PITHD1: variants seen among roughly 807,000 people sequenced by gnomAD.
The protein encoded by PITHD1 is PITH domain containing 1.
PITHD1 carries 8 observed loss-of-function variants against 27.5 expected under a neutral mutation model. The ratio of observed to expected loss-of-function variants is 0.29; its 90% CI spans 0.17 to 0.52. The LOEUF is 0.52. Ranked by LOEUF, PITHD1 falls within the 20% of genes least tolerant of loss-of-function variation. The pLI, the probability that PITHD1 is intolerant of heterozygous loss-of-function variation, is 0.96. For synonymous variants in PITHD1, 118 were observed against 106.8 expected, an observed-to-expected ratio of 1.10 and a Z score of -0.64; for missense variants, 233 against 283.9, an observed-to-expected ratio of 0.82 and a Z score of 1.29.
Position 23,788,171 on chromosome 1 carries a change from C to G in PITHD1, c.*795C>G, listed in dbSNP as rs932664488. 6.6e-6 allele frequency: 1 copy of G among 152,180 alleles called. No homozygotes were observed. Among genetic ancestry groups the G allele is most frequent in the Non-Finnish European group, 1.5e-5 (1 of 68,022 alleles). 9.4% of individuals were successfully genotyped at this position (152,180 alleles called of 1,614,324 possible). A position where few individuals can be genotyped will look rare whatever the true frequency, so the allele number is the denominator to read the frequency against. ...CCAGAATTTGGAGATTTGAGTTCTT[C>G]TTTTCATGGCTTTTATTCACTGTGA... On this transcript the variant is annotated 3_prime_UTR_variant, in exon 6 of 6. Transcript: ENST00000246151.
chr1:23,781,271 T>C (rs1398777747), intron 3 of PITHD1, among the ~76,000 whole-genome samples: 1 of 152,174 alleles, frequency 6.6e-6, no homozygotes, highest in Non-Finnish European at 1.5e-5. Flanking sequence ...AAGATCATCC[T>C]GGTCAACATG....
In PITHD1 at chr1:23,787,451, T is replaced by C; in HGVS notation, c.*75T>C. The stretch of plus-strand genomic sequence containing the variant: ...CTACCTGTTGGGAAGGACAAAGGGA[T>C]GAGGCTCCAGAGAGAGTTGGCTGCC... On this transcript the variant is annotated 3_prime_UTR_variant, in exon 6 of 6. Transcript: ENST00000246151. 1 of 863,284 alleles carries C rather than the reference T, an allele frequency of 1.2e-6. No individual in the cohort carries two copies. The highest frequency in any genetic ancestry group is 1.9e-6 in the Non-Finnish European group (1 of 516,322). The allele number at this position is 863,284 out of a possible 1,614,324, so 53.5% of individuals were successfully genotyped here. A position where few individuals can be genotyped will look rare whatever the true frequency, so the allele number is the denominator to read the frequency against.
At chr1:23,780,020 A>AT (rs3831910) in intron 3 of PITHD1, 79 bp downstream of exon 3, 812,061 of 891,346 alleles carry the variant, frequency 0.91, 370,902 homozygotes, top group African/African-American at 0.97. Context: ...GAATAGTATC[A>AT]TTTTCTTCTT....
At chr1:23,779,546 C>A in intron 2 of PITHD1, 65 bp downstream of exon 2, 2 of 1,187,574 alleles carry the variant, frequency 1.7e-6, no homozygotes, top group South Asian at 1.2e-5. Flanking sequence ...CAGATGGATT[C>A]ATTCACTGGT....
intron 5 of PITHD1, 72 bp from the exon 6 acceptor site, chr1:23,787,203 C>A: frequency 1.1e-6 from 1 of 921,868 alleles, no homozygotes. Context: ...ATAAGGACTA[C>A]CGCAATGTGT....
chr1:23,784,723 T>C (rs980489197), intron 3 of PITHD1, among the ~76,000 whole-genome samples: 1 of 152,286 alleles, frequency 6.6e-6, no homozygotes, highest in Middle Eastern at 3.4e-3. Context: ...AGCAGTTTAC[T>C]TTTTATTTAT....
At chr1:23,780,226 ACT>A (rs1177463631) in intron 3 of PITHD1, among the ~76,000 whole-genome samples, 1 of 152,138 alleles carries the variant, frequency 6.6e-6, no homozygotes, top group Admixed American at 6.5e-5. Flanking sequence ...CTTGTTGATG[ACT>A]CTGCAGTTTT....
rs147176388 is a variant in PITHD1, at chr1:23,786,381, G to A, written c.492G>A (p.Thr164=). The A allele has an allele frequency of 1.4e-5, 22 of 1,606,862 alleles. No individual in the cohort carries two copies. In the African/African-American group the frequency reaches 2.5e-4, roughly 19 times the overall value. ...IHISKNFGAD[T]TKVFYIGLRG... is the part of the protein sequence containing the mutation. The stretch of plus-strand genomic sequence containing the variant: ...TTTCAAAAAACTTCGGAGCAGATAC[G>A]ACAAAGGTCTTTTATATTGGCCTGA... Residue 164 remains threonine, a synonymous_variant, in exon 5 of 6, where the codon ACG becomes ACA. Coordinates refer to ENST00000246151, the MANE Select transcript of PITHD1 (RefSeq NM_020362.5).
chr1:23,784,059 C>T (rs1003932756), intron 3 of PITHD1, among the ~76,000 whole-genome samples: 3 of 152,010 alleles, frequency 2.0e-5, no homozygotes, highest in Admixed American at 2.0e-4. Flanking sequence ...AATCAGGTGC[C>T]CAAATTTACT....
chr1:23,785,539 C>A, intron 3 of PITHD1, 136 bp from the exon 4 acceptor site: 9 of 482,358 alleles, frequency 1.9e-5, no homozygotes, highest in Non-Finnish European at 2.3e-5. Flanking sequence ...TATAAAATGT[C>A]ATTTCTAAAA....
chr1:23,779,136 T>A (rs990361498), intron 1 of PITHD1, among the ~76,000 whole-genome samples: 8 of 152,148 alleles, frequency 5.3e-5, no homozygotes, highest in African/African-American at 1.9e-4. Context: ...TTGAAAGCAG[T>A]GGACCTTCTT....
Position 23,779,927 on chromosome 1 carries a change from C to G in PITHD1, c.306C>G (p.Pro102=), listed in dbSNP as rs1355004626. 2 of 1,610,188 alleles carry G rather than the reference C, an allele frequency of 1.2e-6. No homozygotes were observed. Among genetic ancestry groups the G allele is most frequent in the Non-Finnish European group, 1.7e-6 (2 of 1,176,546 alleles). Residue 102 remains proline (P), a synonymous_variant, in exon 3 of 6, where the codon CCC becomes CCG. Transcript: ENST00000246151. ...IIMGEDDDSH[P]SEMRLYKNIP... is the part of the protein sequence containing the mutation. Reference sequence around the variant, plus strand: ...TGGGAGAGGATGATGACTCACACCCCTCTGAGATGAGACTGTAAGTGGCAA... The same window carrying G: ...TGGGAGAGGATGATGACTCACACCCGTCTGAGATGAGACTGTAAGTGGCAA...
chr1:23,785,528 G>T, intron 3 of PITHD1, 147 bp from the exon 4 acceptor site: 40 of 455,534 alleles, frequency 8.8e-5, no homozygotes, highest in Middle Eastern at 6.5e-4. Flanking sequence ...GGAGATACTT[G>T]TATAAAATGT....
chr1:23,785,116 G>A (rs1638663818), intron 3 of PITHD1: 1 of 152,216 alleles, frequency 6.6e-6, no homozygotes, highest in African/African-American at 2.4e-5. Context: ...GTCTCTTTGT[G>A]TATTGCTTCT....
In PITHD1 at chr1:23,778,611, C is replaced by T. The variant is rs1638546035; in HGVS notation, c.96C>T (p.Tyr32=). 6 of 1,334,896 alleles carry T rather than the reference C, an allele frequency of 4.5e-6. No homozygotes were observed. Among genetic ancestry groups the T allele is most frequent in the Middle Eastern group, 2.7e-4 (1 of 3,764 alleles). The allele number at this position is 1,334,896 out of a possible 1,614,324, so 82.7% of individuals were successfully genotyped here. The change falls in exon 1 of 6, where the codon TAC becomes TAT. Residue 32 remains tyrosine, a synonymous_variant. Transcript: ENST00000246151. ...AGCGCGGCCTGGCCTACGGCCTGTA[C>T]CTGCGCATCGACCTGGAGCGGCTGC... is the stretch of plus-strand genomic sequence containing the variant. The part of the protein sequence containing the change: ...PEQRGLAYGL[Y]LRIDLERLQC...
At position 23,785,746 on chromosome 1, in the gene PITHD1, G is replaced by A. The variant is rs149241427; in HGVS notation, c.392G>A (p.Arg131Gln). The change falls in exon 4 of 6, where the codon CGG (arginine) becomes CAG (glutamine). Residue 131 changes from arginine to glutamine, a missense_variant. Coordinates refer to ENST00000246151, the MANE Select transcript of PITHD1 (RefSeq NM_020362.5). ...CCAGATCAGACCTTTAGTCTGAACC[G>A]GGATCTTACAGGAGAATTAGAGTAT... is the stretch of plus-strand genomic sequence containing the variant. ...REPDQTFSLNRDLTGELEYAT... is the reference protein window; with the variant it reads ...REPDQTFSLNQDLTGELEYAT... 5.8e-5 allele frequency: 93 copies of A among 1,607,032 alleles called. No individual in the cohort carries two copies. The highest frequency in any genetic ancestry group is 7.2e-5 in the Non-Finnish European group (84 of 1,173,694).
At chr1:23,785,343 A>T (rs1638666648) in intron 3 of PITHD1, 1 of 179,502 alleles carries the variant, frequency 5.6e-6, no homozygotes, top group Admixed American at 5.6e-5. Flanking sequence ...AAGTACCAAA[A>T]TTTGCCGGGC....
intron 2 of PITHD1, 121 bp from the exon 3 acceptor site, chr1:23,779,743 A>G: frequency 1.3e-6 from 1 of 753,562 alleles, no homozygotes. Flanking sequence ...GAAATTATCT[A>G]GTACAAGTTG....
In PITHD1 at chr1:23,786,379, A is replaced by G. The variant is rs1478164491; in HGVS notation, c.490A>G (p.Thr164Ala). 6.2e-7 allele frequency: 1 copy of G among 1,608,006 alleles called. No individual in the cohort carries two copies. Among genetic ancestry groups the G allele is most frequent in the Non-Finnish European group, 8.5e-7 (1 of 1,174,994 alleles). The part of the protein sequence containing the change: ...IHISKNFGAD[T>A]TKVFYIGLRG... ...TATTTCAAAAAACTTCGGAGCAGAT[A>G]CGACAAAGGTCTTTTATATTGGCCT... Residue 164 changes from threonine to alanine, a missense_variant, in exon 5 of 6, where the codon ACG becomes GCG. Transcript: ENST00000246151.
Sources: allele counts gnomAD v4.1 joint callset (sites outside exome capture counted in the v4.1 genomes callset), GRCh38; gene constraint gnomAD v4.1.1; transcripts MANE v1.5; gene names NCBI Gene and HGNC (gene_info 2026-07-23, HGNC 2026-07-21).